The following NEMF variants were observed in gnomAD, a reference collection of about 807,000 sequenced individuals.
The protein encoded by NEMF is ribosome quality control complex subunit NEMF.
A neutral mutation model predicts 162.2 loss-of-function variants in NEMF; 89 were observed. That is an observed-to-expected ratio of 0.55 (90% CI 0.46 to 0.65). The LOEUF (loss-of-function observed/expected upper bound fraction) is 0.65. Among genes scored for constraint, NEMF ranks in the 30% least tolerant of loss-of-function variants. The probability of loss-of-function intolerance (pLI) is 0.00; values close to 1 mark genes in which losing one functional copy is unlikely to be tolerated. For synonymous variants in NEMF, 421 were observed against 404.5 expected, an observed-to-expected ratio of 1.04 and a Z score of -0.49; for missense variants, 1,133 against 1,261.9, an observed-to-expected ratio of 0.90 and a Z score of 1.55.
At chr14:49,845,075 A>AAGTT (rs34544224) in intron 4 of NEMF, among the ~76,000 whole-genome samples, 53 of 149,292 alleles carry the variant, frequency 3.6e-4, no homozygotes, top group African/African-American at 1.2e-3. Flanking sequence ...GGCCCAGATT[A>AAGTT]AGTTAGTTAG....
At chr14:49,820,779 G>A (rs1891969590) in intron 16 of NEMF, among the ~76,000 whole-genome samples, 1 of 152,072 alleles carries the variant, frequency 6.6e-6, no homozygotes, top group Non-Finnish European at 1.5e-5. Context: ...CGCCACGCCT[G>A]ACTGGTTTTC....
In NEMF at chr14:49,782,507, T is replaced by C; in HGVS notation, c.*2129A>G. Reference sequence around the variant, plus strand: ...TACTGAAACTTACTTGCAAAGCATTTGCTTTTAAATGTGTTCTTCCTATTT... The same window carrying C: ...TACTGAAACTTACTTGCAAAGCATTCGCTTTTAAATGTGTTCTTCCTATTT... On this transcript the variant is annotated 3_prime_UTR_variant, in exon 33 of 33. Coordinates refer to ENST00000298310, the MANE Select transcript of NEMF (RefSeq NM_004713.6). 6.3e-7 allele frequency: 1 copy of C among 1,598,126 alleles called. No homozygotes were observed. The highest frequency in any genetic ancestry group is 8.6e-7 in the Non-Finnish European group (1 of 1,168,478).
chr14:49,787,819 A>C (rs1890248322), intron 28 of NEMF, among the ~76,000 whole-genome samples: 1 of 152,230 alleles, frequency 6.6e-6, no homozygotes, highest in Non-Finnish European at 1.5e-5. Flanking sequence ...TAGTATTACT[A>C]AACAACAACT....
Position 49,810,870 on chromosome 14 carries a change from G to A in NEMF, c.1744+3118C>T, listed in dbSNP as rs535721741. Among the ~76,000 whole-genome samples, 11 of 152,186 alleles carry A rather than the reference G, an allele frequency of 7.2e-5. No homozygotes were observed. In the South Asian group the frequency reaches 2.1e-3, roughly 29 times the overall value. Reference sequence around the variant, plus strand: ...GTTGGGCACAGTGGCAAATGTCTATGGTCCCAACTACTCAGGAGGTTGAGA... The same window carrying A: ...GTTGGGCACAGTGGCAAATGTCTATAGTCCCAACTACTCAGGAGGTTGAGA... On this transcript the variant is annotated intron_variant, in intron 18 of 32. Transcript: ENST00000298310.
At chr14:49,804,190 G>C (rs2139867749) in intron 19 of NEMF, among the ~76,000 whole-genome samples, 1 of 151,678 alleles carries the variant, frequency 6.6e-6, no homozygotes, top group African/African-American at 2.4e-5. Flanking sequence ...TTTTTTAGTA[G>C]AGACGGGGTT....
chr14:49,851,588 A>G lies in NEMF; in HGVS notation c.206T>C (p.Met69Thr). The G allele has an allele frequency of 1.2e-6, 2 of 1,613,590 alleles. No individual in the cohort carries two copies. Among genetic ancestry groups the G allele is most frequent in the East Asian group, 2.2e-5 (1 of 44,848 alleles). The change falls in exon 3 of 33, where the codon ATG becomes ACG. Residue 69 changes from methionine to threonine, a missense_variant. By Grantham distance (81) the Met-to-Thr change is moderately conservative. Transcript: ENST00000298310. ...HTTEFEWPKNMMPSSFAMKCR... is the reference protein window; with the variant it reads ...HTTEFEWPKNTMPSSFAMKCR... The stretch of plus-strand genomic sequence containing the variant: ...CTTCATGGCAAAACTAGACGGCATC[A>G]TATTCTTAGGCCACTCAAATTCTGT...
Position 49,782,166 on chromosome 14 carries a change from A to G in NEMF, c.*2470T>C. On this transcript the variant is annotated 3_prime_UTR_variant, in exon 33 of 33. Transcript: ENST00000298310. ...CCTCATTGCATAAATGAGAACGACC[A>G]GAGAGAGAAAATAATATCCAGATAA... 1.9e-6 allele frequency: 1 copy of G among 527,234 alleles called. No homozygotes were observed. The highest frequency in any genetic ancestry group is 2.9e-5 in the South Asian group (1 of 34,152). The allele number at this position is 527,234 out of a possible 1,614,324, so 32.7% of individuals were successfully genotyped here.
chr14:49,805,954 A>G (rs1473166432), intron 19 of NEMF, 67 bp downstream of exon 19: 1 of 1,012,812 alleles, frequency 9.9e-7, no homozygotes. Flanking sequence ...ATTTACTTCT[A>G]TACTCTCAAA....
At chr14:49,797,534 C>G (rs1329286194) in intron 25 of NEMF, 2 of 152,130 alleles carry the variant, frequency 1.3e-5, no homozygotes, top group Non-Finnish European at 2.9e-5. Flanking sequence ...ACTCGGGAGG[C>G]TAAGGCAGGA....
chr14:49,801,730 C>G (rs1228977511), intron 22 of NEMF, among the ~76,000 whole-genome samples: 1 of 152,170 alleles, frequency 6.6e-6, no homozygotes, highest in Non-Finnish European at 1.5e-5. Context: ...TAATTGCTCT[C>G]TACTTGAAAC....
At chr14:49,791,735 TAAAAAAA>T (rs10586126) in intron 26 of NEMF, among the ~76,000 whole-genome samples, 132,516 of 141,114 alleles carry the variant, frequency 0.94, 62,522 homozygotes, top group South Asian at 0.99. Context: ...AGACTCCATT[TAAAAAAA>T]AAAAAAAAAA....
intron 16 of NEMF, chr14:49,820,535 G>A (rs1330568044): frequency 1.8e-5 from 8 of 455,774 alleles, no homozygotes; most frequent in East Asian, 1.4e-4. Flanking sequence ...TTGGAAGGCC[G>A]AGGAGGGTGG....
At chr14:49,794,844 G>C (rs768455515) in intron 26 of NEMF, among the ~76,000 whole-genome samples, 2 of 151,288 alleles carry the variant, frequency 1.3e-5, no homozygotes, top group African/African-American at 4.9e-5. Flanking sequence ...TCAGCCTCTC[G>C]AGTAGCTGGG....
chr14:49,799,206 T>TC (rs1890833918), intron 25 of NEMF, among the ~76,000 whole-genome samples: 1 of 4,134 alleles, frequency 2.4e-4, no homozygotes, highest in South Asian at 3.2e-3. Context: ...AGACCCTGTT[T>TC]CAAAAAAAAA....
At position 49,832,401 on chromosome 14, in the gene NEMF, G is replaced by A. The variant is rs559930950; in HGVS notation, c.736-124C>T. The A allele has an allele frequency of 4.8e-5, 30 of 623,924 alleles. No homozygotes were observed. In the East Asian group the frequency reaches 7.2e-4, roughly 15 times the overall value. 38.6% of individuals were successfully genotyped at this position (623,924 alleles called of 1,614,324 possible). A position where few individuals can be genotyped will look rare whatever the true frequency, so the allele number is the denominator to read the frequency against. On this transcript the variant is annotated intron_variant, in intron 8 of 32. Coordinates refer to ENST00000298310, the MANE Select transcript of NEMF (RefSeq NM_004713.6). ...GGCTGGAGTGCAGTGGTATATTCTCGGCTCACTGCAACCTCTGCCTCCCGG... is the reference window on the plus strand; with the variant it reads ...GGCTGGAGTGCAGTGGTATATTCTCAGCTCACTGCAACCTCTGCCTCCCGG...
intron 6 of NEMF, 44 bp from the exon 7 acceptor site, chr14:49,834,493 T>A: frequency 2.2e-6 from 3 of 1,374,874 alleles, no homozygotes; most frequent in Non-Finnish European, 2.0e-6. Flanking sequence ...TCCTATAAAT[T>A]CTTTTTTGTT....
chr14:49,815,985 CA>C (rs1237760269), intron 16 of NEMF, among the ~76,000 whole-genome samples: 1 of 151,968 alleles, frequency 6.6e-6, no homozygotes, highest in East Asian at 1.9e-4. Context: ...AAATAAAAAA[CA>C]AAAAATATAA....
rs769864407 is a variant in NEMF, at chr14:49,784,621, A to G, written c.*15T>C. 6.3e-7 allele frequency: 1 copy of G among 1,582,978 alleles called. No homozygotes were observed. The highest frequency in any genetic ancestry group is 8.6e-7 in the Non-Finnish European group (1 of 1,156,746). On this transcript the variant is annotated 3_prime_UTR_variant, in exon 33 of 33. Transcript: ENST00000298310. ...AAAATTGGCTCTTCTCAAATATTTT[A>G]GAATTTCATTTCAGCTATTTCCTTT...
Position 49,831,367 on chromosome 14 carries a change from T to C in NEMF, c.883-6A>G, listed in dbSNP as rs1892626211. The C allele has an allele frequency of 6.3e-7, 1 of 1,579,970 alleles. No homozygotes were observed. The highest frequency in any genetic ancestry group is 8.7e-7 in the Non-Finnish European group (1 of 1,151,448). ...GAATAAAATTCATCCACCGCCTTAT[T>C]AAAAAAACAAACAACTAGTTGGAAA... On this transcript the variant is annotated splice_region_variant and splice_polypyrimidine_tract_variant and intron_variant, in intron 10 of 32. Coordinates refer to ENST00000298310, the MANE Select transcript of NEMF (RefSeq NM_004713.6).
Sources: gnomAD v4.1 joint callset for allele counts (sites outside exome capture counted in the v4.1 genomes callset) on GRCh38, gnomAD v4.1.1 for gene constraint, MANE v1.5 for transcripts, NCBI Gene and HGNC (gene_info 2026-07-23, HGNC 2026-07-21) for gene names.